Variants in SEMA5A observed in about 807,000 individuals in gnomAD.
SEMA5A encodes semaphorin 5A, also known as semaphorin-5A.
In SEMA5A, 55 loss-of-function variants were observed where a neutral mutation model predicts 135.5. That is an observed-to-expected ratio of 0.41 (90% confidence interval 0.33 to 0.51). The LOEUF is 0.51. SEMA5A is among the 20% of genes least tolerant of loss of function. The probability of loss-of-function intolerance (pLI) is 0.37; values close to 1 mark genes in which losing one functional copy is unlikely to be tolerated. For missense variants in SEMA5A, 1,290 were observed against 1,419.9 expected (o/e 0.91, Z 1.47); for synonymous variants, 580 against 546.5 (o/e 1.06, Z -0.85).
At chr5:9,452,118 T>C (rs190433101) in intron 1 of SEMA5A, among the ~76,000 whole-genome samples, 1 of 152,264 alleles carries the variant, frequency 6.6e-6, no homozygotes, top group African/African-American at 2.4e-5. Flanking sequence ...CAGCTCAGAA[T>C]TGGCCCTGCC....
chr5:9,463,885 C>T (rs375829611), intron 1 of SEMA5A, among the ~76,000 whole-genome samples: 11 of 152,164 alleles, frequency 7.2e-5, no homozygotes, highest in African/African-American at 1.9e-4. Context: ...ACTGTGTCTG[C>T]GTTGTGGCTT....
chr5:9,052,717 G>A lies in SEMA5A; in HGVS notation c.2690-689C>T, dbSNP rs146452019. Among the ~76,000 whole-genome samples, 15 of 152,028 alleles carry A rather than the reference G, an allele frequency of 9.9e-5. No homozygotes were observed. In the East Asian group the frequency reaches 2.3e-3, roughly 24 times the overall value. On this transcript the variant is annotated intron_variant, in intron 19 of 22. Coordinates refer to ENST00000382496, the MANE Select transcript of SEMA5A (RefSeq NM_003966.3). ...GGGCATTGAAAGGATACTTCATCCC[G>A]AAGTGGAAGATTTACTAGGATGTGT...
chr5:9,443,292 G>A (rs541888772), intron 1 of SEMA5A, among the ~76,000 whole-genome samples: 97 of 152,150 alleles, frequency 6.4e-4, no homozygotes, highest in African/African-American at 2.3e-3. Context: ...TGGGTGACAG[G>A]AACAGAGAAC....
At chr5:9,379,219 T>A (rs1755489301) in intron 3 of SEMA5A, among the ~76,000 whole-genome samples, 1 of 152,200 alleles carries the variant, frequency 6.6e-6, no homozygotes, top group South Asian at 2.1e-4. Context: ...ATAATATAAT[T>A]CCTTGAGGAC....
At chr5:9,343,166 A>G (rs1308438502) in intron 3 of SEMA5A, among the ~76,000 whole-genome samples, 4 of 146,828 alleles carry the variant, frequency 2.7e-5, no homozygotes, top group East Asian at 2.0e-4. Flanking sequence ...TGCCCATGTT[A>G]ATAAGGGTGA....
chr5:9,394,455 T>G (rs755870017), intron 2 of SEMA5A, among the ~76,000 whole-genome samples: 14 of 152,188 alleles, frequency 9.2e-5, no homozygotes, highest in Admixed American at 1.3e-4. Context: ...GTCCCTGCTG[T>G]ACACTAAAGC....
intron 3 of SEMA5A, among the ~76,000 whole-genome samples, chr5:9,343,347 G>T (rs973913057): frequency 6.6e-6 from 1 of 152,120 alleles, no homozygotes; most frequent in African/African-American, 2.4e-5. Flanking sequence ...TTTCTAAGCA[G>T]TCTAAACCAC....
At chr5:9,051,098 C>T (rs1736549056) in intron 20 of SEMA5A, among the ~76,000 whole-genome samples, 2 of 152,282 alleles carry the variant, frequency 1.3e-5, no homozygotes, top group South Asian at 2.1e-4. Flanking sequence ...ATATGTCTAT[C>T]GTTAAAAAGG....
At chr5:9,090,152 C>G (rs1337373429) in intron 16 of SEMA5A, among the ~76,000 whole-genome samples, 1 of 152,114 alleles carries the variant, frequency 6.6e-6, no homozygotes, top group Non-Finnish European at 1.5e-5. Flanking sequence ...CCTCTTAAAC[C>G]CTGAGTCTTG....
chr5:9,388,725 C>T (rs1340221329), intron 2 of SEMA5A, among the ~76,000 whole-genome samples: 4 of 151,958 alleles, frequency 2.6e-5, no homozygotes, highest in African/African-American at 4.8e-5. Flanking sequence ...CAGTGAAACC[C>T]CATCTCTACT....
In SEMA5A at chr5:9,487,648, A is replaced by C. The variant is rs3798042; in HGVS notation, c.-174-49796T>G. On this transcript the variant is annotated intron_variant, in intron 1 of 22. Transcript: ENST00000382496. ...AGTGAAAGTGTTAAGTGTGATCTCTAACACAGAAATAGAACATACAATTTC... is the reference window on the plus strand; with the variant it reads ...AGTGAAAGTGTTAAGTGTGATCTCTCACACAGAAATAGAACATACAATTTC... Among the ~76,000 whole-genome samples, 39 of 152,340 alleles carry C rather than the reference A, an allele frequency of 2.6e-4. No individual in the cohort carries two copies. The East Asian group carries it at 7.3e-3, about 29-fold the overall frequency.
Position 9,122,767 on chromosome 5 carries a change from C to T in SEMA5A, c.1670G>A (p.Gly557Asp). The change falls in exon 14 of 23, where the codon GGC (glycine) becomes GAC (aspartate). Residue 557 changes from glycine to aspartate, a missense_variant. Physicochemically the swap from Gly to Asp is moderately conservative, Grantham distance 94 (BLOSUM62 -1). This residue lies in a region of SEMA5A where 1,029 missense variants were observed against 1,086.6 expected (regional missense o/e 0.95). Transcript: ENST00000382496. ...SPWTPCTHTD[G>D]SAVGSCLCRT... Reference sequence around the variant, plus strand: ...ACAGAGGCAGGATCCCACGGCGCTGCCATCTGTGTGCGTGCAAGGCGTCCA... The same window carrying T: ...ACAGAGGCAGGATCCCACGGCGCTGTCATCTGTGTGCGTGCAAGGCGTCCA... 2 of 1,613,478 alleles carry T rather than the reference C, an allele frequency of 1.2e-6. No homozygotes were observed. The highest frequency in any genetic ancestry group is 3.3e-5 in the Admixed American group (2 of 59,996).
chr5:9,480,646 G>C (rs1163804941), intron 1 of SEMA5A, among the ~76,000 whole-genome samples: 1 of 152,156 alleles, frequency 6.6e-6, no homozygotes, highest in Non-Finnish European at 1.5e-5. Context: ...AGGATGTGCA[G>C]TTCAAGTGGT....
intron 1 of SEMA5A, among the ~76,000 whole-genome samples, chr5:9,532,297 G>A (rs898359163): frequency 2.0e-5 from 3 of 151,046 alleles, no homozygotes; most frequent in South Asian, 2.1e-4. Flanking sequence ...ACAGAGTCTC[G>A]CTCTATCGCC....
chr5:9,540,666 A>G (rs1738033771), intron 1 of SEMA5A, among the ~76,000 whole-genome samples: 1 of 152,132 alleles, frequency 6.6e-6, no homozygotes, highest in Non-Finnish European at 1.5e-5. Flanking sequence ...CTGTAAAAGG[A>G]GTCACGGAAG....
chr5:9,050,759 C>G (rs565650728), intron 20 of SEMA5A, among the ~76,000 whole-genome samples: 1 of 152,182 alleles, frequency 6.6e-6, no homozygotes, highest in Non-Finnish European at 1.5e-5. Flanking sequence ...GGTGTCTTGC[C>G]GGGGGGATCC....
rs551349997 is a variant in SEMA5A, at chr5:9,324,792, G to A, written c.225-6375C>T. Among the ~76,000 whole-genome samples, 4 of 152,356 alleles carry A rather than the reference G, an allele frequency of 2.6e-5. No homozygotes were observed. In the South Asian group the frequency reaches 8.3e-4, roughly 32 times the overall value. Reference sequence around the variant, plus strand: ...ACCACTTTATCTTGCAATTGTGTGAGCACAGAGGAGGGAAAACAATATGCG... The same window carrying A: ...ACCACTTTATCTTGCAATTGTGTGAACACAGAGGAGGGAAAACAATATGCG... On this transcript the variant is annotated intron_variant, in intron 4 of 22. Coordinates refer to ENST00000382496, the MANE Select transcript of SEMA5A (RefSeq NM_003966.3).
intron 5 of SEMA5A, among the ~76,000 whole-genome samples, chr5:9,263,723 C>A (rs987160201): frequency 1.3e-5 from 2 of 152,146 alleles, no homozygotes; most frequent in South Asian, 2.1e-4. Flanking sequence ...CTGTACTTTG[C>A]CATGTGATTC....
intron 21 of SEMA5A, among the ~76,000 whole-genome samples, chr5:9,048,194 G>C (rs1004083148): frequency 6.6e-6 from 1 of 152,122 alleles, no homozygotes; most frequent in African/African-American, 2.4e-5. Context: ...ACTGTGGCTC[G>C]AGCCTCCCGA....
Sources: allele counts gnomAD v4.1 joint callset (sites outside exome capture counted in the v4.1 genomes callset), GRCh38; gene constraint gnomAD v4.1.1; regional missense constraint gnomAD v4.1.1; transcripts MANE v1.5; gene names NCBI Gene and HGNC (gene_info 2026-07-23, HGNC 2026-07-21).